IDO2: variants seen among roughly 807,000 people sequenced by gnomAD.
IDO2 encodes indoleamine 2,3-dioxygenase 2, also known as indoleamine 2,3-dioxygenase-like 1 protein.
A neutral mutation model predicts 45.1 loss-of-function variants in IDO2; 46 were observed. The observed-to-expected ratio is 1.02, with a 90% confidence interval of 0.80 to 1.30. The LOEUF (loss-of-function observed/expected upper bound fraction) is 1.30, where lower values mean the gene tolerates loss of function less well. Ranked by LOEUF, IDO2 falls within the 50% of genes most tolerant of loss-of-function variation. The pLI is 0.00. For missense variants in IDO2, 544 were observed against 491.8 expected, an observed-to-expected ratio of 1.11 and a Z score of -1.00; for synonymous variants, 218 against 184.9, an observed-to-expected ratio of 1.18 and a Z score of -1.45.
At chr8:39,988,396 T>G (rs1054161575) in intron 7 of IDO2, among the ~76,000 whole-genome samples, 1 of 152,200 alleles carries the variant, frequency 6.6e-6, no homozygotes, top group African/African-American at 2.4e-5. Flanking sequence ...AAGACAGTGA[T>G]GCAGCTTGTG....
At chr8:39,956,592 T>G (rs1282297558) in intron 2 of IDO2, among the ~76,000 whole-genome samples, 1 of 152,188 alleles carries the variant, frequency 6.6e-6, no homozygotes, top group Non-Finnish European at 1.5e-5. Flanking sequence ...TTAGCAAAAT[T>G]TATTCATAGC....
At chr8:40,005,919 A>C (rs1263356155) in intron 9 of IDO2, among the ~76,000 whole-genome samples, 2 of 152,186 alleles carry the variant, frequency 1.3e-5, no homozygotes. Context: ...CAATCCCCTG[A>C]GTGGAACTAA....
chr8:39,975,917 A>C (rs1254332198), intron 3 of IDO2, among the ~76,000 whole-genome samples: 2 of 152,222 alleles, frequency 1.3e-5, no homozygotes, highest in Non-Finnish European at 2.9e-5. Context: ...TGAGAAAAGG[A>C]AATCATAGAA....
intron 8 of IDO2, among the ~76,000 whole-genome samples, chr8:40,000,223 C>G (rs1802113601): frequency 6.6e-6 from 1 of 151,948 alleles, no homozygotes; most frequent in Non-Finnish European, 1.5e-5. Context: ...ACCATCCTGG[C>G]CAATATGATG....
chr8:39,971,280 A>G (rs1011441595), intron 3 of IDO2, among the ~76,000 whole-genome samples: 2 of 152,178 alleles, frequency 1.3e-5, no homozygotes, highest in Admixed American at 1.3e-4. Flanking sequence ...TATTTACAGC[A>G]TGCTTTACTG....
intron 3 of IDO2, among the ~76,000 whole-genome samples, chr8:39,970,603 G>C (rs533912390): frequency 2.1e-4 from 32 of 152,182 alleles, no homozygotes; most frequent in African/African-American, 6.3e-4. Flanking sequence ...CATTGGCCAG[G>C]CTGGTCTTGA....
chr8:39,996,985 C>G (rs1043817814), intron 8 of IDO2, among the ~76,000 whole-genome samples: 1 of 143,302 alleles, frequency 7.0e-6, no homozygotes, highest in Non-Finnish European at 1.5e-5. Flanking sequence ...CTTCTGCATT[C>G]ACACTTACTC....
chr8:39,962,910 G>C (rs544570702), intron 2 of IDO2, among the ~76,000 whole-genome samples: 1 of 152,328 alleles, frequency 6.6e-6, no homozygotes, highest in East Asian at 1.9e-4. Flanking sequence ...TGGTTAAAAG[G>C]CATTATTCAG....
chr8:39,976,371 T>C (rs1197286933), intron 3 of IDO2, among the ~76,000 whole-genome samples: 1 of 152,066 alleles, frequency 6.6e-6, no homozygotes, highest in Non-Finnish European at 1.5e-5. Context: ...AAATAGATAC[T>C]CTCAAGGAGC....
intron 9 of IDO2, among the ~76,000 whole-genome samples, chr8:40,009,005 A>ATATT (rs56020913): frequency 0.46 from 68,710 of 149,596 alleles, 16,367 homozygotes; most frequent in South Asian, 0.54. Flanking sequence ...TTTATTATTT[A>ATATT]TATTTATTTA....
intron 2 of IDO2, among the ~76,000 whole-genome samples, chr8:39,957,880 A>G (rs973721386): frequency 6.6e-6 from 1 of 152,014 alleles, no homozygotes; most frequent in South Asian, 2.1e-4. Context: ...TTTCCTGTTC[A>G]TATTTACCTG....
intron 2 of IDO2, among the ~76,000 whole-genome samples, chr8:39,959,352 G>C (rs1005696937): frequency 1.3e-5 from 2 of 151,324 alleles, no homozygotes; most frequent in African/African-American, 2.4e-5. Flanking sequence ...CTGACTTCGT[G>C]ATCTGCCTAC....
chr8:40,015,554 G>C (rs376274283), exon 11 of IDO2: 2 of 1,613,808 alleles, frequency 1.2e-6, no homozygotes, highest in Non-Finnish European at 1.7e-6. Flanking sequence ...GCTTTCTTAA[G>C]AGTGTCAGGG....
At chr8:40,008,838 C>T (rs1802261864) in intron 9 of IDO2, among the ~76,000 whole-genome samples, 1 of 152,180 alleles carries the variant, frequency 6.6e-6, no homozygotes, top group Admixed American at 6.5e-5. Context: ...TTCTTACCCT[C>T]AAAATATTTC....
At chr8:39,972,835 C>A (rs752650706) in intron 3 of IDO2, among the ~76,000 whole-genome samples, 5 of 152,084 alleles carry the variant, frequency 3.3e-5, no homozygotes, top group Non-Finnish European at 4.4e-5. Context: ...TTATGACTCA[C>A]TGAAGGCTCA....
rs549269413 is a variant in IDO2 at position 40,008,948 on chromosome 8, G to GA, written c.719+3575dup. 2.7e-3 allele frequency among the ~76,000 whole-genome samples: 414 copies of GA among 152,188 alleles called. 6 individuals are homozygous for GA. The highest frequency in any genetic ancestry group is 9.5e-3 in the African/African-American group (393 of 41,566). On this transcript the variant is annotated intron_variant, in intron 9 of 10. Coordinates refer to ENST00000502986, the Ensembl canonical transcript of IDO2. ...TGAGAATTCCCATTAGCATTGTCTA[G>GA]AAAAATGTAAATTTGCTTTTTTGTT...
chr8:39,991,939 C>T (rs1381827050), intron 8 of IDO2, among the ~76,000 whole-genome samples: 2 of 152,230 alleles, frequency 1.3e-5, no homozygotes, highest in Non-Finnish European at 2.9e-5. Flanking sequence ...GAGGTCTCAT[C>T]GTCTAAGGAG....
chr8:39,954,741 T>C (rs1472798160), intron 2 of IDO2, among the ~76,000 whole-genome samples: 1 of 150,460 alleles, frequency 6.6e-6, no homozygotes, highest in East Asian at 2.0e-4. Context: ...CTGCAACCTT[T>C]GCCTCCCGGG....
intron 5 of IDO2, chr8:39,984,924 C>CTTAA (rs140841420): frequency 2.2e-5 from 9 of 412,846 alleles, no homozygotes; most frequent in South Asian, 1.2e-4. Flanking sequence ...AGTGAAATAA[C>CTTAA]TTATTTATTT....
Sources: gnomAD v4.1 joint callset for allele counts (sites outside exome capture counted in the v4.1 genomes callset) on GRCh38, gnomAD v4.1.1 for gene constraint, MANE v1.5 for transcripts, NCBI Gene and HGNC (gene_info 2026-07-23, HGNC 2026-07-21) for gene names.